The following CALN1 variants were observed in gnomAD, a reference collection of about 807,000 sequenced individuals.
CALN1 encodes the protein calneuron 1.
A neutral mutation model predicts 30.6 loss-of-function variants in CALN1; 17 were observed. The ratio of observed to expected loss-of-function variants is 0.56; its 90% CI spans 0.38 to 0.83. CALN1 has a LOEUF of 0.83. CALN1 is among the 40% of genes least tolerant of loss of function. The pLI is 0.00. For synonymous variants in CALN1, 156 were observed against 131.4 expected, an observed-to-expected ratio of 1.19 and a Z score of -1.28; for missense variants, 291 against 354.9, an observed-to-expected ratio of 0.82 and a Z score of 1.45.
intron 3 of CALN1, among the ~76,000 whole-genome samples, chr7:72,246,651 G>C (rs1212828674): frequency 6.6e-6 from 1 of 151,906 alleles, no homozygotes; most frequent in Admixed American, 6.6e-5. Context: ...AAAAGACATA[G>C]AAATAAGGAC....
chr7:71,882,424 T>C (rs1417426992), intron 5 of CALN1, among the ~76,000 whole-genome samples: 2 of 152,192 alleles, frequency 1.3e-5, no homozygotes, highest in Non-Finnish European at 2.9e-5. Context: ...TAAGACAGCA[T>C]AGTCTCAGGT....
At chr7:72,260,769 C>G (rs1053088454) in intron 3 of CALN1, among the ~76,000 whole-genome samples, 3 of 152,108 alleles carry the variant, frequency 2.0e-5, no homozygotes, top group Non-Finnish European at 4.4e-5. Context: ...CCATGACACC[C>G]CTTTTCCCAC....
chr7:71,797,535 T>C (rs147009718), intron 6 of CALN1, among the ~76,000 whole-genome samples: 1 of 152,086 alleles, frequency 6.6e-6, no homozygotes, highest in African/African-American at 2.4e-5. Context: ...GGAATAAGAG[T>C]GAGACTGGTA....
chr7:71,956,460 T>A (rs1004720427), intron 5 of CALN1, among the ~76,000 whole-genome samples: 6 of 151,208 alleles, frequency 4.0e-5, no homozygotes, highest in African/African-American at 9.7e-5. Flanking sequence ...AGTATTTTTT[T>A]TAAAAATTAT....
intron 5 of CALN1, among the ~76,000 whole-genome samples, chr7:71,825,147 G>A (rs1405752197): frequency 6.6e-6 from 1 of 152,076 alleles, no homozygotes; most frequent in Non-Finnish European, 1.5e-5. Flanking sequence ...AACCTCCCAC[G>A]GGGGTCCAGA....
chr7:71,831,871 CAAAAAAAAAAAAA>C (rs751078568), intron 5 of CALN1, among the ~76,000 whole-genome samples: 2 of 20,880 alleles, frequency 9.6e-5, no homozygotes, highest in African/African-American at 2.5e-4. Context: ...AACCCTGCCT[CAAAAAAAAAAAAA>C]AAAAAAAAAA....
chr7:72,201,293 T>A (rs906091499), intron 3 of CALN1, among the ~76,000 whole-genome samples: 2 of 151,590 alleles, frequency 1.3e-5, no homozygotes, highest in Non-Finnish European at 2.9e-5. Flanking sequence ...GGGGGAAGGG[T>A]TGAAAAACTA....
At chr7:72,133,667 G>A (rs185614034) in intron 3 of CALN1, among the ~76,000 whole-genome samples, 3 of 152,256 alleles carry the variant, frequency 2.0e-5, no homozygotes, top group Admixed American at 2.0e-4. Flanking sequence ...CCACTTTAGA[G>A]TGGAAAAGCC....
intron 3 of CALN1, among the ~76,000 whole-genome samples, chr7:72,152,799 C>T (rs1463811395): frequency 6.6e-6 from 1 of 152,172 alleles, no homozygotes; most frequent in African/African-American, 2.4e-5. Flanking sequence ...CAGACTTGTT[C>T]CTCTAGGCTG....
intron 3 of CALN1, among the ~76,000 whole-genome samples, chr7:72,170,983 C>G (rs557185201): frequency 6.6e-6 from 1 of 152,182 alleles, no homozygotes; most frequent in South Asian, 2.1e-4. Flanking sequence ...CATGGCAAGA[C>G]TCTGTGTTAC....
chr7:72,391,604 TA>T (rs1805583720), intron 2 of CALN1, among the ~76,000 whole-genome samples: 1 of 151,738 alleles, frequency 6.6e-6, no homozygotes, highest in South Asian at 2.1e-4. Flanking sequence ...CAGTGGGAGA[TA>T]ATTGAATCAT....
intron 2 of CALN1, among the ~76,000 whole-genome samples, chr7:72,371,178 T>C (rs1804222054): frequency 6.6e-6 from 1 of 152,366 alleles, no homozygotes; most frequent in East Asian, 1.9e-4. Context: ...AAAGGTTTTC[T>C]TCTGTATTTC....
chr7:72,035,321 C>T (rs1046316386), intron 4 of CALN1, among the ~76,000 whole-genome samples: 2 of 152,134 alleles, frequency 1.3e-5, no homozygotes, highest in Non-Finnish European at 2.9e-5. Flanking sequence ...TCTACTTTCT[C>T]TCGGATTTTG....
chr7:72,069,666 C>G (rs1056229870), intron 4 of CALN1, among the ~76,000 whole-genome samples: 1 of 152,096 alleles, frequency 6.6e-6, no homozygotes, highest in African/African-American at 2.4e-5. Context: ...TAATCTCCCC[C>G]CAAATCCTTA....
rs537928833 is a variant in CALN1, at chr7:71,792,900, C to T, written c.659-4998G>A. Among the ~76,000 whole-genome samples, 5 of 151,902 alleles carry T rather than the reference C, an allele frequency of 3.3e-5. No homozygotes were observed. The South Asian group carries it at 1.0e-3, about 32-fold the overall frequency. The stretch of plus-strand genomic sequence containing the variant: ...AAGGTTACCAGCAACAGGGATTATC[C>T]CCCAGGAGAGCGGGGCTGCAAGTTT... On this transcript the variant is annotated intron_variant, in intron 6 of 6. Transcript: ENST00000395275.
intron 2 of CALN1, among the ~76,000 whole-genome samples, chr7:72,344,581 C>A (rs975122741): frequency 2.8e-5 from 4 of 144,762 alleles, no homozygotes; most frequent in Admixed American, 7.0e-5. Flanking sequence ...TTTATATATT[C>A]TATTTATATG....
intron 5 of CALN1, among the ~76,000 whole-genome samples, chr7:71,912,085 C>T (rs1794453358): frequency 6.6e-6 from 1 of 152,042 alleles, no homozygotes; most frequent in Non-Finnish European, 1.5e-5. Flanking sequence ...AGATCTGGAC[C>T]TCTTCAATCC....
chr7:72,110,293 C>A (rs1025350518), intron 3 of CALN1, among the ~76,000 whole-genome samples: 1 of 152,130 alleles, frequency 6.6e-6, no homozygotes, highest in African/African-American at 2.4e-5. Context: ...GACAGCTGAG[C>A]CTTTGGACCT....
intron 2 of CALN1, among the ~76,000 whole-genome samples, chr7:72,369,872 A>G (rs1804116902): frequency 6.6e-6 from 1 of 152,232 alleles, no homozygotes; most frequent in East Asian, 1.9e-4. Flanking sequence ...TAACCTATTG[A>G]TGGACATTTA....
Sources: gnomAD v4.1 joint callset for allele counts (sites outside exome capture counted in the v4.1 genomes callset) on GRCh38, gnomAD v4.1.1 for gene constraint, MANE v1.5 for transcripts, NCBI Gene and HGNC (gene_info 2026-07-23, HGNC 2026-07-21) for gene names.